Variants in SYNDIG1 observed in about 807,000 individuals in gnomAD.
SYNDIG1 encodes synapse differentiation inducing 1.
A neutral mutation model predicts 19.4 loss-of-function variants in SYNDIG1; 9 were observed. The observed-to-expected ratio is 0.46, with a 90% CI of 0.28 to 0.81. SYNDIG1 has a LOEUF of 0.81. SYNDIG1 is among the 30% of genes least tolerant of loss of function. SYNDIG1 has a pLI of 0.12. For synonymous variants in SYNDIG1, 141 were observed against 145.9 expected (o/e 0.97, Z 0.24); for missense variants, 311 against 343.3 (o/e 0.91, Z 0.74).
intron 1 of SYNDIG1, among the ~76,000 whole-genome samples, chr20:24,470,295 A>G (rs1372032964): frequency 1.3e-5 from 2 of 152,184 alleles, no homozygotes; most frequent in Non-Finnish European, 2.9e-5. Context: ...AGGGAAACAG[A>G]CTAATTCTCC....
intron 1 of SYNDIG1, among the ~76,000 whole-genome samples, chr20:24,522,748 A>G (rs558734393): frequency 1.1e-4 from 17 of 152,290 alleles, no homozygotes; most frequent in African/African-American, 3.8e-4. Context: ...TGTAGGCTGT[A>G]CAAGCATGGT....
intron 1 of SYNDIG1, among the ~76,000 whole-genome samples, chr20:24,489,321 GAC>G (rs763120241): frequency 8.2e-5 from 12 of 147,146 alleles, no homozygotes; most frequent in South Asian, 6.5e-4. Context: ...CAGACACATG[GAC>G]ACACATATAG....
intron 1 of SYNDIG1, among the ~76,000 whole-genome samples, chr20:24,492,542 C>T (rs1274728567): frequency 1.3e-5 from 2 of 152,190 alleles, no homozygotes; most frequent in East Asian, 3.9e-4. Context: ...TGGCTTGAGC[C>T]AGGTTTGCAT....
intron 3 of SYNDIG1, among the ~76,000 whole-genome samples, chr20:24,622,609 G>A (rs1435749393): frequency 6.6e-6 from 1 of 152,186 alleles, no homozygotes; most frequent in Non-Finnish European, 1.5e-5. Flanking sequence ...TGCTCCTTAT[G>A]AGAATCTAAT....
intron 3 of SYNDIG1, among the ~76,000 whole-genome samples, chr20:24,625,427 G>C (rs1350117207): frequency 2.4e-5 from 3 of 122,834 alleles, no homozygotes; most frequent in Non-Finnish European, 4.8e-5. Context: ...GGTGTTTCTC[G>C]CAGAGGGGGA....
intron 3 of SYNDIG1, among the ~76,000 whole-genome samples, chr20:24,643,093 C>T (rs2059394081): frequency 6.6e-6 from 1 of 151,494 alleles, no homozygotes; most frequent in Admixed American, 6.6e-5. Flanking sequence ...ATATATATAT[C>T]CATCTGTATC....
At chr20:24,589,094 C>T (rs1008332456) in intron 3 of SYNDIG1, among the ~76,000 whole-genome samples, 27 of 152,074 alleles carry the variant, frequency 1.8e-4, no homozygotes, top group African/African-American at 6.3e-4. Context: ...TGGGTGTGTG[C>T]GATTAGGGTG....
intron 2 of SYNDIG1, among the ~76,000 whole-genome samples, chr20:24,576,406 C>T (rs939460507): frequency 6.6e-6 from 1 of 152,170 alleles, no homozygotes; most frequent in Non-Finnish European, 1.5e-5. Flanking sequence ...GTTCCGAGCT[C>T]TAGTTTGTGG....
intron 1 of SYNDIG1, among the ~76,000 whole-genome samples, chr20:24,479,049 T>C (rs1264605157): frequency 1.3e-5 from 2 of 152,238 alleles, no homozygotes; most frequent in Non-Finnish European, 2.9e-5. Context: ...CGAATTTCTA[T>C]TCAGAGCTTT....
At chr20:24,471,187 T>A (rs2055441419) in intron 1 of SYNDIG1, among the ~76,000 whole-genome samples, 1 of 152,008 alleles carries the variant, frequency 6.6e-6, no homozygotes, top group African/African-American at 2.4e-5. Context: ...TTCTCCGTGC[T>A]AGGCTGCGAC....
intron 3 of SYNDIG1, among the ~76,000 whole-genome samples, chr20:24,654,095 G>A (rs1031488126): frequency 1.3e-5 from 2 of 152,188 alleles, no homozygotes; most frequent in East Asian, 1.9e-4. Flanking sequence ...AGAAGCTAAA[G>A]AAATCTGAAA....
intron 2 of SYNDIG1, among the ~76,000 whole-genome samples, chr20:24,564,949 A>C (rs747586207): frequency 5.9e-5 from 9 of 152,218 alleles, no homozygotes; most frequent in Non-Finnish European, 1.2e-4. Context: ...CAGACCCCGG[A>C]AGAACACGAG....
At chr20:24,473,217 A>G (rs1600365823) in intron 1 of SYNDIG1, among the ~76,000 whole-genome samples, 1 of 152,162 alleles carries the variant, frequency 6.6e-6, no homozygotes, top group African/African-American at 2.4e-5. Context: ...GACTAGCAAA[A>G]CAGCCTCTTG....
At chr20:24,630,164 A>G in intron 3 of SYNDIG1, among the ~76,000 whole-genome samples, 1 of 152,092 alleles carries the variant, frequency 6.6e-6, no homozygotes, top group Non-Finnish European at 1.5e-5. Context: ...AAAAATCAAG[A>G]AGCACAGAGT....
At chr20:24,606,999 G>A (rs983616533) in intron 3 of SYNDIG1, among the ~76,000 whole-genome samples, 1 of 152,160 alleles carries the variant, frequency 6.6e-6, no homozygotes, top group Non-Finnish European at 1.5e-5. Context: ...TTATATGAAC[G>A]GACCTCTTTC....
intron 2 of SYNDIG1, among the ~76,000 whole-genome samples, chr20:24,579,523 C>T (rs539114093): frequency 7.6e-4 from 115 of 152,274 alleles, no homozygotes; most frequent in African/African-American, 2.6e-3. Context: ...CTCTATACAA[C>T]GAACGGCACA....
intron 2 of SYNDIG1, among the ~76,000 whole-genome samples, chr20:24,567,527 A>G (rs1260954695): frequency 6.6e-6 from 1 of 152,168 alleles, no homozygotes; most frequent in African/African-American, 2.4e-5. Context: ...CCTCTTGAAA[A>G]GAGCCTTGAA....
chr20:24,565,886 G>A (rs1057394768), intron 2 of SYNDIG1, among the ~76,000 whole-genome samples: 1 of 152,138 alleles, frequency 6.6e-6, no homozygotes, highest in South Asian at 2.1e-4. Flanking sequence ...CCCTTCACTT[G>A]GCTGGCTTCT....
chr20:24,513,950 A>G (rs1253403509), intron 1 of SYNDIG1, among the ~76,000 whole-genome samples: 1 of 152,228 alleles, frequency 6.6e-6, no homozygotes, highest in African/African-American at 2.4e-5. Flanking sequence ...ACAAGCCAGA[A>G]CAGAGTGGGG....
Sources: allele counts gnomAD v4.1 joint callset (sites outside exome capture counted in the v4.1 genomes callset), GRCh38; gene constraint gnomAD v4.1.1; transcripts MANE v1.5; gene names NCBI Gene and HGNC (gene_info 2026-07-23, HGNC 2026-07-21).